SNUPN: variants seen among roughly 807,000 people sequenced by gnomAD.
SNUPN encodes the protein snurportin 1.
SNUPN carries 31 observed loss-of-function variants against 39.2 expected under a neutral mutation model. The ratio of observed to expected loss-of-function variants is 0.79; its 90% confidence interval spans 0.59 to 1.07. The LOEUF (loss-of-function observed/expected upper bound fraction) is 1.07. SNUPN is among the 50% of genes least tolerant of loss of function. The probability of loss-of-function intolerance (pLI) is 0.00; values close to 1 mark genes in which losing one functional copy is unlikely to be tolerated. For synonymous variants in SNUPN, 132 were observed against 159.0 expected (o/e 0.83, Z 1.28); for missense variants, 382 against 434.2 (o/e 0.88, Z 1.07).
intron 1 of SNUPN, among the ~76,000 whole-genome samples, chr15:75,623,340 G>A (rs1893122587): frequency 1.3e-5 from 2 of 151,496 alleles, no homozygotes; most frequent in Admixed American, 6.6e-5. Context: ...TAGTAGAGAC[G>A]GGGTTTCACC....
chr15:75,599,836 ATT>A (rs60918008), intron 8 of SNUPN, among the ~76,000 whole-genome samples: 8 of 140,526 alleles, frequency 5.7e-5, no homozygotes, highest in Admixed American at 7.2e-5. Context: ...GACTGGGCAG[ATT>A]TTTTTTTTTT....
intron 5 of SNUPN, among the ~76,000 whole-genome samples, chr15:75,608,856 A>G (rs1274819561): frequency 1.3e-5 from 2 of 152,110 alleles, no homozygotes; most frequent in Non-Finnish European, 2.9e-5. Context: ...ATAAGCTTTC[A>G]GGCCGGGTGC....
At chr15:75,604,444 G>A (rs1345953431) in intron 7 of SNUPN, among the ~76,000 whole-genome samples, 3 of 152,168 alleles carry the variant, frequency 2.0e-5, no homozygotes, top group Non-Finnish European at 2.9e-5. Context: ...TTACAGGCGT[G>A]AGCCACGGCG....
rs370320624 is a variant in SNUPN at position 75,601,182 on chromosome 15, G to T, written c.715C>A (p.Pro239Thr). The T allele has an allele frequency of 6.2e-7, 1 of 1,613,774 alleles. No homozygotes were observed. Reference sequence around the variant, plus strand: ...GATAGCACATCACACAGGCTTTCGGGAGTGCAAGGGAAGTTCTTTAGCCCC... The same window carrying T: ...GATAGCACATCACACAGGCTTTCGGTAGTGCAAGGGAAGTTCTTTAGCCCC... ...FVGLKNFPCT[P>T]ESLCDVLSMD... Residue 239 changes from proline (P) to threonine (T), a missense_variant, in exon 8 of 9, where the codon CCC becomes ACC. Coordinates refer to ENST00000308588, the MANE Select transcript of SNUPN (RefSeq NM_005701.4).
At position 75,598,153 on chromosome 15, in the gene SNUPN, A is replaced by G. The variant is rs74565704; in HGVS notation, c.*205T>C. On this transcript the variant is annotated 3_prime_UTR_variant, in exon 9 of 9. Coordinates refer to ENST00000308588, the MANE Select transcript of SNUPN (RefSeq NM_005701.4). ...CACTTATCACAGTAGGAGCTGCTCA[A>G]ATCAATCTGAATGCTACGCAATCTG... 2,192 of 554,316 alleles carry G rather than the reference A, an allele frequency of 4.0e-3. 45 individuals carry two copies. Among genetic ancestry groups the G allele is most frequent in the African/African-American group, 0.037 (1,955 of 53,452 alleles). 34.3% of individuals were successfully genotyped at this position (554,316 alleles called of 1,614,324 possible). A position where few individuals can be genotyped will look rare whatever the true frequency, so the allele number is the denominator to read the frequency against.
chr15:75,604,157 C>CT (rs34924144), intron 7 of SNUPN, among the ~76,000 whole-genome samples: 57,906 of 115,002 alleles, frequency 0.5, 16,160 homozygotes, highest in African/African-American at 0.58. Context: ...TTCCCTTTAA[C>CT]TTTTTTTTTT....
chr15:75,610,152 C>T (rs559733528), intron 3 of SNUPN, among the ~76,000 whole-genome samples, 158 bp from the exon 4 acceptor site: 1 of 152,126 alleles, frequency 6.6e-6, no homozygotes, highest in Non-Finnish European at 1.5e-5. Flanking sequence ...AATCCCAGCA[C>T]TTTGGGAGGC....
At position 75,598,343 on chromosome 15, in the gene SNUPN, A is replaced by G. The variant is rs1229258230; in HGVS notation, c.*15T>C. On this transcript the variant is annotated 3_prime_UTR_variant, in exon 9 of 9. Coordinates refer to ENST00000308588, the MANE Select transcript of SNUPN (RefSeq NM_005701.4). ...CCAGGTACCATCCTGTGGCTCCTTA[A>G]GGAGGCTTCTCTCTTTAATTCTCCA... The G allele has an allele frequency of 1.9e-6, 3 of 1,602,056 alleles. No homozygotes were observed. The highest frequency in any genetic ancestry group is 2.2e-5 in the East Asian group (1 of 44,742).
intron 2 of SNUPN, among the ~76,000 whole-genome samples, chr15:75,619,069 T>G (rs1469791314): frequency 7.0e-6 from 1 of 143,478 alleles, no homozygotes; most frequent in Non-Finnish European, 1.5e-5. Context: ...CAGTGGCTCC[T>G]GCCTGTAATC....
intron 7 of SNUPN, among the ~76,000 whole-genome samples, chr15:75,603,199 C>G (rs1189277722): frequency 6.6e-6 from 1 of 151,790 alleles, no homozygotes; most frequent in East Asian, 2.0e-4. Flanking sequence ...AGGCGCCCAC[C>G]ACCACGACCG....
intron 5 of SNUPN, among the ~76,000 whole-genome samples, chr15:75,609,052 AC>A (rs1173021912): frequency 6.0e-5 from 9 of 149,682 alleles, no homozygotes; most frequent in African/African-American, 2.0e-4. Context: ...AATCACTTGA[AC>A]CCAGGAGGCG....
intron 3 of SNUPN, among the ~76,000 whole-genome samples, chr15:75,612,619 CCA>C (rs1241073597): frequency 1.3e-5 from 2 of 152,052 alleles, no homozygotes; most frequent in Non-Finnish European, 2.9e-5. Flanking sequence ...CTTCTTTCCT[CCA>C]CACTCATCTA....
chr15:75,611,083 G>A (rs1343812446), intron 3 of SNUPN, among the ~76,000 whole-genome samples: 8 of 150,820 alleles, frequency 5.3e-5, no homozygotes, highest in Non-Finnish European at 8.8e-5. Flanking sequence ...CAGGAAAATC[G>A]TTTGAACCCA....
At chr15:75,601,294 G>T in intron 7 of SNUPN, 76 bp from the exon 8 acceptor site, 3 of 1,066,326 alleles carry the variant, frequency 2.8e-6, no homozygotes, top group Non-Finnish European at 4.3e-6. Context: ...TCTCTGTCAG[G>T]CCAGGCATAG....
chr15:75,603,412 A>G (rs1380441751), intron 7 of SNUPN, among the ~76,000 whole-genome samples: 2 of 148,940 alleles, frequency 1.3e-5, no homozygotes, highest in Non-Finnish European at 3.0e-5. Flanking sequence ...CTGTAATCCC[A>G]GCACTTTGGG....
At chr15:75,624,977 T>C (rs1893181983) in intron 1 of SNUPN, 2 of 206,374 alleles carry the variant, frequency 9.7e-6, no homozygotes, top group Non-Finnish European at 2.1e-5. Context: ...GGTTTCACCA[T>C]GTTGGTCAGG....
At chr15:75,612,478 C>T (rs1892808030) in intron 3 of SNUPN, among the ~76,000 whole-genome samples, 1 of 152,168 alleles carries the variant, frequency 6.6e-6, no homozygotes, top group Non-Finnish European at 1.5e-5. Flanking sequence ...CCACACACTC[C>T]CCCAAAATAT....
chr15:75,609,469 G>A (rs757619407), intron 5 of SNUPN, 89 bp downstream of exon 5: 11 of 974,916 alleles, frequency 1.1e-5, no homozygotes, highest in East Asian at 9.6e-5. Context: ...GATTACAGGC[G>A]TGAGCCACCG....
intron 6 of SNUPN, among the ~76,000 whole-genome samples, chr15:75,605,811 C>G (rs2141364827): frequency 6.6e-6 from 1 of 152,256 alleles, no homozygotes; most frequent in Middle Eastern, 3.4e-3. Context: ...TACACGTGGG[C>G]AAGGTACTTA....
Sources: gnomAD v4.1 joint callset for allele counts (sites outside exome capture counted in the v4.1 genomes callset) on GRCh38, gnomAD v4.1.1 for gene constraint, MANE v1.5 for transcripts, NCBI Gene and HGNC (gene_info 2026-07-23, HGNC 2026-07-21) for gene names.